JMJD1C: variants seen among roughly 807,000 people sequenced by gnomAD.
The protein encoded by JMJD1C is jumonji domain-containing protein 1C.
In JMJD1C, 31 loss-of-function variants were observed where a neutral mutation model predicts 245.3. The ratio of observed to expected loss-of-function variants is 0.13; its 90% CI spans 0.09 to 0.17. JMJD1C has a LOEUF of 0.17. Ranked by LOEUF, JMJD1C falls within the 10% of genes least tolerant of loss-of-function variation. JMJD1C has a pLI of 1.00. For missense variants in JMJD1C, 2,691 were observed against 3,000.2 expected (o/e 0.90, Z 2.41); for synonymous variants, 1,057 against 1,017.4 (o/e 1.04, Z -0.74).
At chr10:63,509,328 A>AT (rs1189781941) in intron 1 of JMJD1C, among the ~76,000 whole-genome samples, 1 of 152,174 alleles carries the variant, frequency 6.6e-6, no homozygotes, top group Admixed American at 6.5e-5. Flanking sequence ...AAATTTGCTA[A>AT]TTTTGTGGAG....
chr10:63,437,003 T>G (rs1013392699), intron 1 of JMJD1C, among the ~76,000 whole-genome samples: 9 of 152,204 alleles, frequency 5.9e-5, no homozygotes, highest in Non-Finnish European at 8.8e-5. Context: ...CTCACTTTTT[T>G]GCTCACCAAA....
intron 2 of JMJD1C, among the ~76,000 whole-genome samples, chr10:63,352,553 A>G (rs1382944128): frequency 2.0e-5 from 3 of 149,482 alleles, no homozygotes; most frequent in Non-Finnish European, 4.4e-5. Flanking sequence ...CATGAGAACC[A>G]CTTGAACCCA....
chr10:63,288,567 C>T (rs978287565), intron 2 of JMJD1C, among the ~76,000 whole-genome samples: 3 of 152,084 alleles, frequency 2.0e-5, no homozygotes, highest in South Asian at 4.1e-4. Context: ...CCCATTTTTA[C>T]GTCAGGTTGT....
Position 63,214,472 on chromosome 10 carries a change from C to A in JMJD1C, c.1695G>T (p.Trp565Cys). ...ETAKKDSDQSWVSDVVKVDLT... is the reference protein window; with the variant it reads ...ETAKKDSDQSCVSDVVKVDLT... ...GATCCACTTTAACTACATCACTGAC[C>A]CAGCTCTGGTCAGAATCTTTTTTTG... is the stretch of plus-strand genomic sequence containing the variant. Residue 565 changes from tryptophan (W) to cysteine (C), a missense_variant, in exon 8 of 26, where the codon TGG becomes TGT. Trp to Cys is a radical substitution (Grantham distance 215). This residue lies in a region of JMJD1C where 1,562 missense variants were observed against 1,490.7 expected (regional missense o/e 1.05). Coordinates refer to ENST00000399262, the MANE Select transcript of JMJD1C (RefSeq NM_032776.3). The A allele has an allele frequency of 2.5e-6, 4 of 1,613,960 alleles. No individual in the cohort carries two copies. The highest frequency in any genetic ancestry group is 3.4e-6 in the Non-Finnish European group (4 of 1,179,982).
chr10:63,383,573 GC>G (rs1264823939), intron 1 of JMJD1C, among the ~76,000 whole-genome samples: 12 of 152,082 alleles, frequency 7.9e-5, no homozygotes, highest in African/African-American at 2.9e-4. Flanking sequence ...GGTGGCATGT[GC>G]CTATGGTCCC....
intron 20 of JMJD1C, among the ~76,000 whole-genome samples, 156 bp downstream of exon 20, chr10:63,185,407 T>C (rs1844012961): frequency 1.3e-5 from 2 of 152,152 alleles, no homozygotes; most frequent in East Asian, 3.9e-4. Flanking sequence ...GCTGGGATTA[T>C]AGGCGTGAGC....
intron 2 of JMJD1C, among the ~76,000 whole-genome samples, chr10:63,293,918 C>T (rs898302377): frequency 1.3e-4 from 20 of 152,088 alleles, no homozygotes; most frequent in African/African-American, 4.8e-4. Context: ...TATCTATATG[C>T]AGTAAACTGT....
intron 1 of JMJD1C, among the ~76,000 whole-genome samples, chr10:63,399,038 T>C (rs1297283650): frequency 6.6e-6 from 1 of 152,340 alleles, no homozygotes; most frequent in Non-Finnish European, 1.5e-5. Context: ...TTGATTTTTA[T>C]GAGTTTTGAA....
chr10:63,376,436 A>G (rs1057292806), intron 2 of JMJD1C, among the ~76,000 whole-genome samples: 1 of 152,212 alleles, frequency 6.6e-6, no homozygotes, highest in Non-Finnish European at 1.5e-5. Flanking sequence ...CTTCATCAAA[A>G]TTTAAAACTT....
chr10:63,252,650 G>C (rs1311650599), intron 3 of JMJD1C, among the ~76,000 whole-genome samples: 1 of 151,946 alleles, frequency 6.6e-6, no homozygotes, highest in East Asian at 1.9e-4. Context: ...ATCCCATACT[G>C]GTACTGTATG....
intron 22 of JMJD1C, among the ~76,000 whole-genome samples, chr10:63,181,363 T>TG (rs1589070627): frequency 6.6e-6 from 1 of 152,330 alleles, no homozygotes; most frequent in East Asian, 1.9e-4. Flanking sequence ...AGAGAATGAC[T>TG]GGCTAGAGCA....
rs890808281 is a variant in JMJD1C, at chr10:63,371,194, C to G, written c.333+9124G>C. On this transcript the variant is annotated intron_variant, in intron 2 of 25. Coordinates refer to ENST00000399262, the MANE Select transcript of JMJD1C (RefSeq NM_032776.3). Reference sequence around the variant, plus strand: ...TGAGGGTATAGCTATGCTGCCCTGGCTGGTCTTGAACTCCTGGACTCAAGC... The same window carrying G: ...TGAGGGTATAGCTATGCTGCCCTGGGTGGTCTTGAACTCCTGGACTCAAGC... Among the ~76,000 whole-genome samples the G allele has an allele frequency of 2.0e-5, 3 of 150,506 alleles. No individual in the cohort carries two copies. In the East Asian group the frequency reaches 5.8e-4, roughly 29 times the overall value.
chr10:63,180,810 C>G (rs887102420), intron 22 of JMJD1C, among the ~76,000 whole-genome samples: 2 of 151,382 alleles, frequency 1.3e-5, no homozygotes, highest in Non-Finnish European at 2.9e-5. Context: ...GCTCTGTCGC[C>G]CAGGCTGGAG....
At chr10:63,305,629 C>CGTGT (rs36038855) in intron 2 of JMJD1C, among the ~76,000 whole-genome samples, 8,466 of 121,594 alleles carry the variant, frequency 0.07, 467 homozygotes, top group Non-Finnish European at 0.08. Flanking sequence ...ACCATGCTGG[C>CGTGT]GTGTGTGTGT....
intron 22 of JMJD1C, among the ~76,000 whole-genome samples, chr10:63,180,179 T>C (rs975223992): frequency 6.6e-6 from 1 of 152,070 alleles, no homozygotes; most frequent in Non-Finnish European, 1.5e-5. Flanking sequence ...AGCTAATTTT[T>C]CTATTTTTTA....
In JMJD1C at chr10:63,206,761, G is replaced by A; in HGVS notation, c.4908C>T (p.Ser1636=). The change falls in exon 10 of 26, where the codon AGC becomes AGT. Residue 1636 remains serine (S), a synonymous_variant. Coordinates refer to ENST00000399262, the MANE Select transcript of JMJD1C (RefSeq NM_032776.3). ...GTCTTTTAGTCCTTTGCTCTGACTT[G>A]CTTTCACTTTCATCTGAGTCTCCAC... The part of the protein sequence containing the change: ...SESGDSDESE[S]KSEQRTKRQP... 2 of 1,611,488 alleles carry A rather than the reference G, an allele frequency of 1.2e-6. No homozygotes were observed. Among genetic ancestry groups the A allele is most frequent in the Non-Finnish European group, 1.7e-6 (2 of 1,179,458 alleles).
chr10:63,364,701 G>T (rs915809070), intron 2 of JMJD1C, among the ~76,000 whole-genome samples: 1 of 152,052 alleles, frequency 6.6e-6, no homozygotes, highest in African/African-American at 2.4e-5. Flanking sequence ...TGCTCAGGCT[G>T]GTCTCGAACT....
chr10:63,409,158 T>C (rs1159189336), intron 1 of JMJD1C, among the ~76,000 whole-genome samples: 1 of 152,250 alleles, frequency 6.6e-6, no homozygotes, highest in Admixed American at 6.5e-5. Flanking sequence ...AAATTACTAA[T>C]GTTTAATAAG....
intron 2 of JMJD1C, among the ~76,000 whole-genome samples, chr10:63,301,337 A>G (rs1860048421): frequency 6.6e-6 from 1 of 152,208 alleles, no homozygotes. Flanking sequence ...TCTCTCTCAC[A>G]TGCACAGTGT....
Sources: allele counts gnomAD v4.1 joint callset (sites outside exome capture counted in the v4.1 genomes callset), GRCh38; gene constraint gnomAD v4.1.1; regional missense constraint gnomAD v4.1.1; transcripts MANE v1.5; gene names NCBI Gene and HGNC (gene_info 2026-07-23, HGNC 2026-07-21).